RAB38: variants seen among roughly 807,000 people sequenced by gnomAD.
RAB38 encodes the protein ras-related protein Rab-38.
RAB38 carries 15 observed loss-of-function variants against 18.4 expected under a neutral mutation model. The observed-to-expected ratio is 0.82, with a 90% CI of 0.55 to 1.26. The LOEUF is 1.26. Ranked by LOEUF, RAB38 falls within the 50% of genes most tolerant of loss-of-function variation. RAB38 has a pLI of 0.00. For synonymous variants in RAB38, 101 were observed against 104.4 expected, an observed-to-expected ratio of 0.97 and a Z score of 0.20; for missense variants, 294 against 267.4, an observed-to-expected ratio of 1.10 and a Z score of -0.69.
the RAB38 span, among the ~76,000 whole-genome samples, chr11:87,840,375 G>A: frequency 6.6e-6 from 1 of 152,140 alleles, no homozygotes; most frequent in Non-Finnish European, 1.5e-5. Flanking sequence ...GTGGCCAAGT[G>A]GTAACTAATT....
the RAB38 span, among the ~76,000 whole-genome samples, chr11:88,030,765 C>T: frequency 3.9e-5 from 6 of 152,246 alleles, no homozygotes; most frequent in African/African-American, 1.4e-4. Flanking sequence ...GAGTCCAGGA[C>T]AAGATGGATT....
chr11:87,946,542 C>T, the RAB38 span, among the ~76,000 whole-genome samples: 1,526 of 152,040 alleles, frequency 0.01, 27 homozygotes, highest in African/African-American at 0.035. Flanking sequence ...CCTCCCCCCT[C>T]GCCCCACCCC....
the RAB38 span, among the ~76,000 whole-genome samples, chr11:88,096,663 AAAAG>A: frequency 6.6e-6 from 1 of 151,946 alleles, no homozygotes; most frequent in Non-Finnish European, 1.5e-5. Context: ...AACAAAGAAA[AAAAG>A]AAAGGAAGCA....
chr11:88,088,874 G>A, the RAB38 span, among the ~76,000 whole-genome samples: 1 of 151,564 alleles, frequency 6.6e-6, no homozygotes, highest in Admixed American at 6.6e-5. Flanking sequence ...GTCTCTCATA[G>A]ACGTCTAAGA....
intron 1 of RAB38, among the ~76,000 whole-genome samples, chr11:88,173,187 A>T (rs193022761): frequency 1.8e-4 from 28 of 152,340 alleles, no homozygotes; most frequent in Admixed American, 1.7e-3. Context: ...ATCACAATTT[A>T]TTAGGAATTA....
the RAB38 span, among the ~76,000 whole-genome samples, chr11:87,834,787 A>C: frequency 1.3e-5 from 2 of 152,220 alleles, no homozygotes; most frequent in Non-Finnish European, 2.9e-5. Flanking sequence ...TTAATCTATA[A>C]ACTTGACAGT....
At chr11:87,955,721 C>T in the RAB38 span, among the ~76,000 whole-genome samples, 2 of 151,992 alleles carry the variant, frequency 1.3e-5, no homozygotes, top group African/African-American at 4.8e-5. Context: ...TTGAGCTAGG[C>T]ATTCATGAGG....
the RAB38 span, among the ~76,000 whole-genome samples, chr11:87,951,149 C>G: frequency 1.2e-4 from 19 of 152,314 alleles, no homozygotes; most frequent in East Asian, 2.1e-3. Flanking sequence ...TCTTCCATCA[C>G]TGATACCCTT....
chr11:87,809,543 T>C, the RAB38 span, among the ~76,000 whole-genome samples: 2 of 152,222 alleles, frequency 1.3e-5, no homozygotes, highest in Non-Finnish European at 2.9e-5. Flanking sequence ...CTTTTGATAC[T>C]AAATCAAGAC....
At chr11:88,121,301 C>A (rs1942625388) in intron 2 of RAB38, among the ~76,000 whole-genome samples, 1 of 152,158 alleles carries the variant, frequency 6.6e-6, no homozygotes, top group South Asian at 2.1e-4. Context: ...AGTAATATTA[C>A]CAAAAATAGC....
chr11:87,974,677 AT>A, the RAB38 span, among the ~76,000 whole-genome samples: 29,291 of 150,904 alleles, frequency 0.19, 3,790 homozygotes, highest in East Asian at 0.49. Context: ...TCATAGTAGG[AT>A]TTTTTTTTAA....
chr11:87,906,864 A>G, the RAB38 span, among the ~76,000 whole-genome samples: 1 of 151,878 alleles, frequency 6.6e-6, no homozygotes, highest in African/African-American at 2.4e-5. Flanking sequence ...GTTCCTTTTT[A>G]CACCTACTAA....
chr11:87,930,305 C>G, the RAB38 span, among the ~76,000 whole-genome samples: 1 of 152,184 alleles, frequency 6.6e-6, no homozygotes, highest in Non-Finnish European at 1.5e-5. Context: ...TTGCATTTCT[C>G]TGTTGGCCAG....
At chr11:88,039,973 A>T in the RAB38 span, among the ~76,000 whole-genome samples, 1 of 152,182 alleles carries the variant, frequency 6.6e-6, no homozygotes, top group Non-Finnish European at 1.5e-5. Context: ...AGGTAAACAA[A>T]AAACTGGCAT....
chr11:87,894,520 T>C, the RAB38 span, among the ~76,000 whole-genome samples: 18 of 151,586 alleles, frequency 1.2e-4, no homozygotes, highest in African/African-American at 4.1e-4. Flanking sequence ...AGAGAGATCA[T>C]TTTGAGATAG....
At chr11:88,053,090 T>C in the RAB38 span, among the ~76,000 whole-genome samples, 32 of 133,548 alleles carry the variant, frequency 2.4e-4, no homozygotes, top group African/African-American at 8.8e-4. Context: ...ATATGGAATA[T>C]ATATTATATA....
At chr11:87,864,571 T>A in the RAB38 span, among the ~76,000 whole-genome samples, 1 of 151,600 alleles carries the variant, frequency 6.6e-6, no homozygotes, top group Non-Finnish European at 1.5e-5. Context: ...ATTATCTTAC[T>A]TTTTTGACAG....
the RAB38 span, among the ~76,000 whole-genome samples, chr11:88,083,919 T>C: frequency 4.5e-3 from 677 of 152,102 alleles, 5 homozygotes; most frequent in African/African-American, 0.016. Flanking sequence ...TGATATTCTG[T>C]TATGGCATCA....
chr11:87,809,052 G>C, the RAB38 span, among the ~76,000 whole-genome samples: 1 of 151,504 alleles, frequency 6.6e-6, no homozygotes, highest in Non-Finnish European at 1.5e-5. Flanking sequence ...AGAGAAAAAG[G>C]AACATAGAGT....
Sources: allele counts gnomAD v4.1 joint callset (sites outside exome capture counted in the v4.1 genomes callset), GRCh38; gene constraint gnomAD v4.1.1; transcripts MANE v1.5; gene names NCBI Gene and HGNC (gene_info 2026-07-23, HGNC 2026-07-21).